The following CHMP4B variants were observed in gnomAD, a reference collection of about 807,000 sequenced individuals.
The protein encoded by CHMP4B is charged multivesicular body protein 4B, also known as SNF7 homolog associated with Alix 1.
A neutral mutation model predicts 25.1 loss-of-function variants in CHMP4B; 1 was observed. That is an observed-to-expected ratio of 0.04 (90% CI 0.01 to 0.19). The LOEUF (loss-of-function observed/expected upper bound fraction) is 0.19. Ranked by LOEUF, CHMP4B falls within the 10% of genes least tolerant of loss-of-function variation. The pLI is 1.00. For missense variants in CHMP4B, 151 were observed against 289.7 expected (o/e 0.52, Z 3.48); for synonymous variants, 101 against 115.6 (o/e 0.87, Z 0.81).
chr20:33,843,267 A>G (rs1601326767), intron 1 of CHMP4B, among the ~76,000 whole-genome samples: 1 of 152,354 alleles, frequency 6.6e-6, no homozygotes, highest in East Asian at 1.9e-4. Flanking sequence ...AAAGCTGGTT[A>G]TTAGATTCTG....
intron 1 of CHMP4B, among the ~76,000 whole-genome samples, chr20:33,812,264 C>T (rs1978647821): frequency 1.3e-5 from 2 of 152,210 alleles, no homozygotes; most frequent in Admixed American, 6.5e-5. Flanking sequence ...CCTCAGTTTC[C>T]CCATCCGTCA....
chr20:33,841,263 G>A (rs1979533980), intron 1 of CHMP4B, among the ~76,000 whole-genome samples: 1 of 152,192 alleles, frequency 6.6e-6, no homozygotes, highest in South Asian at 2.1e-4. Flanking sequence ...TCATACACAA[G>A]TACTTATTTT....
Position 33,853,876 on chromosome 20 carries a change from A to G in CHMP4B, c.*316A>G. ...CGCTGACTCCACTGCTGAATCCTCA[A>G]TGGAAAGGGTCGACTGGTTGCAGTT... is the stretch of plus-strand genomic sequence containing the variant. On this transcript the variant is annotated 3_prime_UTR_variant, in exon 5 of 5. Transcript: ENST00000217402. 1 of 444,062 alleles carries G rather than the reference A, an allele frequency of 2.3e-6. No individual in the cohort carries two copies. The highest frequency in any genetic ancestry group is 4.2e-6 in the Non-Finnish European group (1 of 239,508). 27.5% of individuals were successfully genotyped at this position (444,062 alleles called of 1,614,324 possible).
At chr20:33,830,762 T>A (rs545955377) in intron 1 of CHMP4B, among the ~76,000 whole-genome samples, 2 of 152,136 alleles carry the variant, frequency 1.3e-5, no homozygotes, top group South Asian at 4.2e-4. Context: ...GGGATACAGG[T>A]CAGTCCATAG....
Position 33,853,622 on chromosome 20 carries a change from T to TGC in CHMP4B, c.*64_*65dup. ...GTGGCCTGCGCAGCGAGCAGGCGTGTGCGTGTGTGGGGCAGGCAGGATGTG... is the reference window on the plus strand; with the variant it reads ...GTGGCCTGCGCAGCGAGCAGGCGTGTGCGCGTGTGTGGGGCAGGCAGGATGTG... On this transcript the variant is annotated 3_prime_UTR_variant, in exon 5 of 5. Coordinates refer to ENST00000217402, the MANE Select transcript of CHMP4B (RefSeq NM_176812.5). The TGC allele has an allele frequency of 6.9e-7, 1 of 1,452,372 alleles. No homozygotes were observed. The highest frequency in any genetic ancestry group is 9.7e-7 in the Non-Finnish European group (1 of 1,033,454). The allele number at this position is 1,452,372 out of a possible 1,614,324, so 90.0% of individuals were successfully genotyped here. A position where few individuals can be genotyped will look rare whatever the true frequency, so the allele number is the denominator to read the frequency against.
chr20:33,811,457 C>T lies in CHMP4B; in HGVS notation c.-12C>T. On this transcript the variant is annotated 5_prime_UTR_variant, in exon 1 of 5. Coordinates refer to ENST00000217402, the MANE Select transcript of CHMP4B (RefSeq NM_176812.5). ...GAGCGGGCGGCGAAGGCCGGCGCGG[C>T]GAGCAGCAACCATGTCGGTGTTCGG... 6.6e-7 allele frequency: 1 copy of T among 1,510,654 alleles called. No homozygotes were observed. Among genetic ancestry groups the T allele is most frequent in the Non-Finnish European group, 8.9e-7 (1 of 1,127,818 alleles). 93.6% of individuals were successfully genotyped at this position (1,510,654 alleles called of 1,614,324 possible). A position where few individuals can be genotyped will look rare whatever the true frequency, so the allele number is the denominator to read the frequency against.
chr20:33,837,487 A>G (rs925415249), intron 1 of CHMP4B, among the ~76,000 whole-genome samples: 2 of 151,964 alleles, frequency 1.3e-5, no homozygotes, highest in Admixed American at 6.6e-5. Context: ...CAAGGGAGCC[A>G]GGCTAGGGGA....
chr20:33,827,675 C>T (rs1979132178), intron 1 of CHMP4B, among the ~76,000 whole-genome samples: 1 of 152,236 alleles, frequency 6.6e-6, no homozygotes, highest in African/African-American at 2.4e-5. Context: ...CTTTTACTGC[C>T]AGCCTTTTGG....
At chr20:33,812,445 C>T (rs565164466) in intron 1 of CHMP4B, among the ~76,000 whole-genome samples, 1 of 152,358 alleles carries the variant, frequency 6.6e-6, no homozygotes, top group East Asian at 1.9e-4. Context: ...GACTGCTCCC[C>T]AGTCCCCACT....
intron 1 of CHMP4B, among the ~76,000 whole-genome samples, chr20:33,831,122 C>T (rs1439115614): frequency 6.9e-6 from 1 of 145,026 alleles, no homozygotes; most frequent in East Asian, 2.0e-4. Context: ...TTCCAGATAG[C>T]TTTGTCACAA....
At chr20:33,842,711 C>T (rs1435263507) in intron 1 of CHMP4B, among the ~76,000 whole-genome samples, 2 of 152,180 alleles carry the variant, frequency 1.3e-5, no homozygotes, top group South Asian at 4.1e-4. Flanking sequence ...AAGCAGCAGC[C>T]CTCTTCCCTC....
intron 2 of CHMP4B, 26 bp from the exon 3 acceptor site, chr20:33,850,926 A>G (rs375126082): frequency 3.0e-5 from 46 of 1,524,482 alleles, no homozygotes; most frequent in Non-Finnish European, 1.8e-5. Context: ...ATCGATTGAT[A>G]TGATACCTGT....
chr20:33,832,960 T>C (rs1979297474), intron 1 of CHMP4B, among the ~76,000 whole-genome samples: 1 of 150,782 alleles, frequency 6.6e-6, no homozygotes, highest in South Asian at 2.1e-4. Flanking sequence ...AAAAAAATTT[T>C]TTTTTTTTTG....
intron 1 of CHMP4B, among the ~76,000 whole-genome samples, chr20:33,844,857 C>T (rs187006620): frequency 6.6e-6 from 1 of 151,658 alleles, no homozygotes; most frequent in Admixed American, 6.6e-5. Flanking sequence ...CTCCTGGGCT[C>T]ACGCCATTCT....
intron 1 of CHMP4B, among the ~76,000 whole-genome samples, chr20:33,840,104 T>C (rs1979493005): frequency 6.6e-6 from 1 of 152,140 alleles, no homozygotes; most frequent in Admixed American, 6.5e-5. Flanking sequence ...AGGATACCAC[T>C]GCGTGGTGGC....
intron 1 of CHMP4B, among the ~76,000 whole-genome samples, chr20:33,824,552 C>T (rs1979034518): frequency 6.6e-6 from 1 of 152,226 alleles, no homozygotes; most frequent in Admixed American, 6.5e-5. Flanking sequence ...CCTTTATTCA[C>T]TTGTCTTCAT....
At chr20:33,830,837 T>C (rs958280956) in intron 1 of CHMP4B, among the ~76,000 whole-genome samples, 2 of 152,022 alleles carry the variant, frequency 1.3e-5, no homozygotes, top group East Asian at 1.9e-4. Context: ...TTTTTCTTGG[T>C]AGGGAGGCTG....
At chr20:33,833,601 T>C (rs1198870529) in intron 1 of CHMP4B, among the ~76,000 whole-genome samples, 2 of 152,230 alleles carry the variant, frequency 1.3e-5, no homozygotes, top group Non-Finnish European at 2.9e-5. Context: ...CTGCTAACCC[T>C]GGGATAGATT....
intron 1 of CHMP4B, among the ~76,000 whole-genome samples, chr20:33,833,132 A>G (rs1246419682): frequency 6.6e-6 from 1 of 152,142 alleles, no homozygotes; most frequent in Non-Finnish European, 1.5e-5. Context: ...CCTGAACTCC[A>G]TCTTCCTCAT....
Sources: allele counts gnomAD v4.1 joint callset (sites outside exome capture counted in the v4.1 genomes callset), GRCh38; gene constraint gnomAD v4.1.1; transcripts MANE v1.5; gene names NCBI Gene and HGNC (gene_info 2026-07-23, HGNC 2026-07-21).